The following PRKCE variants were observed in gnomAD, a reference collection of about 807,000 sequenced individuals.
PRKCE encodes the protein protein kinase C epsilon, also known as protein kinase C epsilon type.
Under a neutral mutation model 85.4 loss-of-function variants are expected in PRKCE, and 16 were observed. That is an observed-to-expected ratio of 0.19 (90% CI 0.13 to 0.28). The LOEUF (loss-of-function observed/expected upper bound fraction) is 0.28. Ranked by LOEUF, PRKCE falls within the 10% of genes least tolerant of loss-of-function variation. The pLI is 1.00. For missense variants in PRKCE, 573 were observed against 975.2 expected, an observed-to-expected ratio of 0.59 and a Z score of 5.49; for synonymous variants, 388 against 371.5, an observed-to-expected ratio of 1.04 and a Z score of -0.51.
intron 10 of PRKCE, among the ~76,000 whole-genome samples, chr2:46,054,075 T>C (rs1485520446): frequency 1.3e-5 from 2 of 152,242 alleles, no homozygotes; most frequent in African/African-American, 4.8e-5. Context: ...AATTAGTTAC[T>C]ATTGTCCTCA....
intron 11 of PRKCE, among the ~76,000 whole-genome samples, chr2:46,097,162 T>A (rs1391245670): frequency 2.0e-5 from 3 of 152,098 alleles, no homozygotes; most frequent in African/African-American, 7.2e-5. Context: ...ATATTGACAC[T>A]GATAAACGTG....
intron 12 of PRKCE, among the ~76,000 whole-genome samples, chr2:46,148,566 G>T (rs983613314): frequency 2.6e-5 from 4 of 152,222 alleles, no homozygotes; most frequent in Non-Finnish European, 5.9e-5. Context: ...GTGCCCTGAG[G>T]CTAGAAGAGA....
chr2:45,871,584 G>A (rs567744154), intron 2 of PRKCE, among the ~76,000 whole-genome samples: 4 of 152,258 alleles, frequency 2.6e-5, no homozygotes, highest in Non-Finnish European at 4.4e-5. Flanking sequence ...AGATGATTTA[G>A]AGGTATCTCT....
chr2:46,082,389 T>C (rs942151289), intron 10 of PRKCE, among the ~76,000 whole-genome samples: 3 of 151,438 alleles, frequency 2.0e-5, no homozygotes, highest in African/African-American at 7.3e-5. Context: ...GAGAGAGAGG[T>C]ATTAAATGAC....
At chr2:45,827,741 T>G (rs148954210) in intron 1 of PRKCE, among the ~76,000 whole-genome samples, 1 of 152,354 alleles carries the variant, frequency 6.6e-6, no homozygotes, top group East Asian at 1.9e-4. Flanking sequence ...ATTTACATCT[T>G]GTTCATTGTT....
chr2:46,066,668 T>A (rs1271527444), intron 10 of PRKCE, among the ~76,000 whole-genome samples: 1 of 152,250 alleles, frequency 6.6e-6, no homozygotes, highest in Admixed American at 6.5e-5. Context: ...AGTTTCTCGC[T>A]GTGCTCTTAG....
At chr2:45,722,126 C>G (rs1680676269) in intron 1 of PRKCE, among the ~76,000 whole-genome samples, 3 of 152,068 alleles carry the variant, frequency 2.0e-5, no homozygotes, top group Admixed American at 2.0e-4. Context: ...TGCATGTTAA[C>G]ACAAAGGGCA....
At chr2:46,161,532 G>T (rs977954268) in intron 14 of PRKCE, among the ~76,000 whole-genome samples, 3 of 152,002 alleles carry the variant, frequency 2.0e-5, no homozygotes, top group Non-Finnish European at 4.4e-5. Context: ...GGAGCACCAG[G>T]CCCCAGCTGT....
chr2:45,846,461 G>A (rs1691796060), intron 2 of PRKCE, among the ~76,000 whole-genome samples: 1 of 152,072 alleles, frequency 6.6e-6, no homozygotes, highest in African/African-American at 2.4e-5. Flanking sequence ...TAACAAGTAG[G>A]CCCATTGGTA....
chr2:46,051,899 G>A (rs146754655), intron 10 of PRKCE, among the ~76,000 whole-genome samples: 181 of 152,238 alleles, frequency 1.2e-3, no homozygotes, highest in African/African-American at 4.1e-3. Flanking sequence ...AGAAGTGCAC[G>A]AGAGCAGGGA....
intron 1 of PRKCE, among the ~76,000 whole-genome samples, chr2:45,803,990 C>T (rs1688062761): frequency 1.3e-5 from 2 of 152,172 alleles, no homozygotes; most frequent in Admixed American, 6.5e-5. Flanking sequence ...AATTTAGTCT[C>T]ACATTTGAGC....
intron 1 of PRKCE, among the ~76,000 whole-genome samples, chr2:45,785,626 A>G (rs1422729021): frequency 1.3e-5 from 2 of 152,114 alleles, no homozygotes; most frequent in Non-Finnish European, 2.9e-5. Context: ...TGTGGGATGG[A>G]TGAGGACTCT....
chr2:46,093,771 C>G (rs2881259), intron 11 of PRKCE, among the ~76,000 whole-genome samples: 1 of 151,716 alleles, frequency 6.6e-6, no homozygotes, highest in Non-Finnish European at 1.5e-5. Context: ...GTTTTAGTTC[C>G]GTTTCTCACC....
intron 2 of PRKCE, among the ~76,000 whole-genome samples, chr2:45,869,867 C>G (rs1693946502): frequency 6.6e-6 from 1 of 151,920 alleles, no homozygotes; most frequent in African/African-American, 2.4e-5. Flanking sequence ...GCCACCACGC[C>G]CAGCTAATTG....
intron 1 of PRKCE, among the ~76,000 whole-genome samples, chr2:45,743,928 A>C (rs977932280): frequency 6.6e-6 from 1 of 151,468 alleles, no homozygotes; most frequent in African/African-American, 2.4e-5. Flanking sequence ...GGGCGAACAG[A>C]CCTGAGTGTA....
rs537885139 is a variant in PRKCE at position 46,005,522 on chromosome 2, T to C, written c.1063+884T>C. Among the ~76,000 whole-genome samples, 6 of 152,160 alleles carry C rather than the reference T, an allele frequency of 3.9e-5. No homozygotes were observed. In the East Asian group the frequency reaches 1.2e-3, roughly 29 times the overall value. On this transcript the variant is annotated intron_variant, in intron 8 of 14. Coordinates refer to ENST00000306156, the MANE Select transcript of PRKCE (RefSeq NM_005400.3). ...CATTACTGTCCCCCAGGTTAGTGAGTGGGAAGTGGGAGGTCAGAGTGTGGA... is the reference window on the plus strand; with the variant it reads ...CATTACTGTCCCCCAGGTTAGTGAGCGGGAAGTGGGAGGTCAGAGTGTGGA...
intron 1 of PRKCE, among the ~76,000 whole-genome samples, chr2:45,776,023 T>C (rs1185138493): frequency 1.3e-5 from 2 of 152,204 alleles, no homozygotes; most frequent in African/African-American, 4.8e-5. Context: ...AGGCATACCC[T>C]GAATACTCTA....
chr2:45,998,321 T>C (rs956482998), intron 6 of PRKCE, among the ~76,000 whole-genome samples: 2 of 152,232 alleles, frequency 1.3e-5, no homozygotes, highest in African/African-American at 4.8e-5. Context: ...TTTCTCCTTG[T>C]AGTACCATCA....
rs111624617 is a variant in PRKCE at position 46,145,870 on chromosome 2, T to TAA, written c.1731+648_1731+649dup. ...GTGACAGAGCAAGACCCTGTCTCAA[T>TAA]AAAAAAAAAAGTAAAAAATAAAATC... On this transcript the variant is annotated intron_variant, in intron 12 of 14. Coordinates refer to ENST00000306156, the MANE Select transcript of PRKCE (RefSeq NM_005400.3). This position sits in a 1 kb window ranked among gnomAD's most constrained non-coding sequence, Gnocchi z 4.6. Among the ~76,000 whole-genome samples, 2 of 145,056 alleles carry TAA rather than the reference T, an allele frequency of 1.4e-5. No homozygotes were observed. The highest frequency in any genetic ancestry group is 3.0e-5 in the Non-Finnish European group (2 of 65,688).
Sources: gnomAD v4.1 joint callset for allele counts (sites outside exome capture counted in the v4.1 genomes callset) on GRCh38, gnomAD v4.1.1 for gene constraint, Gnocchi (gnomAD v3.1) non-coding constraint, MANE v1.5 for transcripts, NCBI Gene and HGNC (gene_info 2026-07-23, HGNC 2026-07-21) for gene names.